Variants in TMIGD2 observed in about 807,000 individuals in gnomAD.
TMIGD2 encodes transmembrane and immunoglobulin domain containing 2, also known as transmembrane and immunoglobulin domain-containing protein 2.
TMIGD2 carries 18 observed loss-of-function variants against 22.6 expected under a neutral mutation model. The ratio of observed to expected loss-of-function variants is 0.80; its 90% confidence interval spans 0.55 to 1.18. TMIGD2 has a LOEUF of 1.18. Among genes scored for constraint, TMIGD2 ranks in the 50% most tolerant of loss-of-function variants. The pLI is 0.00. For synonymous variants in TMIGD2, 184 were observed against 154.1 expected, an observed-to-expected ratio of 1.19 and a Z score of -1.44; for missense variants, 361 against 378.2, an observed-to-expected ratio of 0.95 and a Z score of 0.38.
At chr19:4,299,285 C>T (rs1008231463) in intron 1 of TMIGD2, among the ~76,000 whole-genome samples, 12 of 151,856 alleles carry the variant, frequency 7.9e-5, no homozygotes, top group Admixed American at 7.9e-4. Flanking sequence ...GCTGGGACTA[C>T]AGGCATGTAA....
At chr19:4,293,032 C>T (rs558646401) in intron 4 of TMIGD2, 147 bp from the exon 5 acceptor site, 563 of 1,219,586 alleles carry the variant, frequency 4.6e-4, no homozygotes, top group Non-Finnish European at 5.2e-4. Context: ...GGCGCAATCT[C>T]GGCTCACTGC....
intron 4 of TMIGD2, among the ~76,000 whole-genome samples, chr19:4,293,536 A>AGG (rs1971415455): frequency 6.6e-6 from 1 of 150,388 alleles, no homozygotes; most frequent in African/African-American, 2.4e-5. Flanking sequence ...CTGGGATTAC[A>AGG]TGCATGAGCC....
chr19:4,293,176 T>G (rs1971407730), intron 4 of TMIGD2, among the ~76,000 whole-genome samples: 1 of 151,464 alleles, frequency 6.6e-6, no homozygotes, highest in Non-Finnish European at 1.5e-5. Flanking sequence ...TTAGCCAGGA[T>G]GGTCTTGATC....
At chr19:4,293,274 T>TTAA in intron 4 of TMIGD2, among the ~76,000 whole-genome samples, 2 of 147,400 alleles carry the variant, frequency 1.4e-5, no homozygotes, top group South Asian at 4.3e-4. Flanking sequence ...TTTTTTTTTT[T>TTAA]TTTGAGACAG....
At chr19:4,292,665 G>C (rs1463837757) in exon 5 of TMIGD2, 1 of 1,607,174 alleles carries the variant, frequency 6.2e-7, no homozygotes, top group Non-Finnish European at 8.5e-7. Context: ...GTCTAGGAGA[G>C]ACCCTGACCA....
chr19:4,302,100 G>A (rs1166810179), intron 1 of TMIGD2, among the ~76,000 whole-genome samples: 1 of 152,098 alleles, frequency 6.6e-6, no homozygotes, highest in Non-Finnish European at 1.5e-5. Context: ...TGCGGAGGGT[G>A]GAGATGAGAG....
At chr19:4,301,416 C>T (rs1241219662) in intron 1 of TMIGD2, among the ~76,000 whole-genome samples, 1 of 152,178 alleles carries the variant, frequency 6.6e-6, no homozygotes, top group Non-Finnish European at 1.5e-5. Flanking sequence ...CGCCTGTAAT[C>T]CCAGCACTTT....
Position 4,299,811 on chromosome 19 carries a change from G to A in TMIGD2, c.47-1466C>T, listed in dbSNP as rs146599063. ...TGAGGCAGGAGAATCACTTGAATCCGAGAGGCAGAGGTTGCAGTGAGCTGA... is the reference window on the plus strand; with the variant it reads ...TGAGGCAGGAGAATCACTTGAATCCAAGAGGCAGAGGTTGCAGTGAGCTGA... On this transcript the variant is annotated intron_variant, in intron 1 of 4. Transcript: ENST00000301272. Among the ~76,000 whole-genome samples the A allele has an allele frequency of 8.0e-3, 1,205 of 150,666 alleles. 13 individuals carry two copies. The highest frequency in any genetic ancestry group is 0.029 in the African/African-American group (1,169 of 40,976).
chr19:4,301,596 G>A (rs1971537288), intron 1 of TMIGD2, among the ~76,000 whole-genome samples: 1 of 152,204 alleles, frequency 6.6e-6, no homozygotes, highest in Non-Finnish European at 1.5e-5. Context: ...CTTGAACCTG[G>A]GAGGCAGAGG....
chr19:4,294,437 A>G (rs1305886708), intron 4 of TMIGD2, 142 bp downstream of exon 4: 1 of 750,924 alleles, frequency 1.3e-6, no homozygotes, highest in South Asian at 1.7e-5. Context: ...AAACATGAGC[A>G]TAGGATATAG....
rs767461101 is a variant in TMIGD2 at position 4,297,981 on chromosome 19, C to CGTACCTG, written c.404_406+4dup. 1 of 1,566,474 alleles carries CGTACCTG rather than the reference C, an allele frequency of 6.4e-7. No homozygotes were observed. Among genetic ancestry groups the CGTACCTG allele is most frequent in the Non-Finnish European group, 8.7e-7 (1 of 1,152,158 alleles). On this transcript the variant is annotated splice_donor_region_variant and intron_variant, in intron 2 of 4. Transcript: ENST00000301272. The stretch of plus-strand genomic sequence containing the variant: ...GCCCCTCCCTCTCCCCGCTGGCTCC[C>CGTACCTG]GTACCTGGGTCCACAAAGAGCCTTG...
At chr19:4,293,476 G>A (rs1035023634) in intron 4 of TMIGD2, among the ~76,000 whole-genome samples, 1 of 150,716 alleles carries the variant, frequency 6.6e-6, no homozygotes, top group Non-Finnish European at 1.5e-5. Flanking sequence ...TGGCCAGGCT[G>A]GTCTCGAACT....
chr19:4,293,509 C>T (rs1343733935), intron 4 of TMIGD2, among the ~76,000 whole-genome samples: 4 of 151,500 alleles, frequency 2.6e-5, no homozygotes, highest in African/African-American at 4.9e-5. Context: ...ATTCGCCCGC[C>T]GTGGCCTCCC....
At chr19:4,296,433 G>A (rs1971461719) in intron 2 of TMIGD2, among the ~76,000 whole-genome samples, 1 of 152,196 alleles carries the variant, frequency 6.6e-6, no homozygotes, top group Non-Finnish European at 1.5e-5. Flanking sequence ...ATTAAGATAA[G>A]GTCCAGCACC....
chr19:4,299,607 C>A lies in TMIGD2; in HGVS notation c.47-1262G>T, dbSNP rs1755911943. Reference sequence around the variant, plus strand: ...AGCCTCAGCCGCTTGGGCTCATGGGCTGGGTGCTGTGACTCATGCCTGTAA... The same window carrying A: ...AGCCTCAGCCGCTTGGGCTCATGGGATGGGTGCTGTGACTCATGCCTGTAA... On this transcript the variant is annotated intron_variant, in intron 1 of 4. Coordinates refer to ENST00000301272, the Ensembl canonical transcript of TMIGD2. Among the ~76,000 whole-genome samples the A allele has an allele frequency of 2.0e-5, 3 of 151,530 alleles. No homozygotes were observed. The South Asian group carries it at 6.2e-4, about 32-fold the overall frequency.
chr19:4,299,909 T>G (rs1320009878), intron 1 of TMIGD2, among the ~76,000 whole-genome samples: 1 of 145,850 alleles, frequency 6.9e-6, no homozygotes, highest in Admixed American at 6.8e-5. Flanking sequence ...CTCCATCTCA[T>G]TCTATTGCCC....
chr19:4,295,429 G>T (rs1373617268), intron 2 of TMIGD2, among the ~76,000 whole-genome samples: 4 of 149,990 alleles, frequency 2.7e-5, no homozygotes, highest in Non-Finnish European at 5.9e-5. Flanking sequence ...CCATGGTGGT[G>T]GGCACCTGTA....
intron 2 of TMIGD2, among the ~76,000 whole-genome samples, chr19:4,295,801 C>A (rs559367263): frequency 6.6e-6 from 1 of 152,102 alleles, no homozygotes; most frequent in Admixed American, 6.6e-5. Context: ...CCTACCCAGG[C>A]GGCAGCAGGA....
At chr19:4,296,390 C>T (rs985894431) in intron 2 of TMIGD2, among the ~76,000 whole-genome samples, 1 of 152,230 alleles carries the variant, frequency 6.6e-6, no homozygotes, top group Non-Finnish European at 1.5e-5. Flanking sequence ...GTATAATTTA[C>T]AGGAACCCCA....
Sources: allele counts gnomAD v4.1 joint callset (sites outside exome capture counted in the v4.1 genomes callset), GRCh38; gene constraint gnomAD v4.1.1; transcripts MANE v1.5; gene names NCBI Gene and HGNC (gene_info 2026-07-23, HGNC 2026-07-21).